Variants in FMN1 observed in about 807,000 individuals in gnomAD.
FMN1 encodes the protein formin 1.
A neutral mutation model predicts 132.4 loss-of-function variants in FMN1; 110 were observed. That is an observed-to-expected ratio of 0.83 (90% CI 0.71 to 0.97). The LOEUF (loss-of-function observed/expected upper bound fraction) is 0.97. FMN1 is among the 50% of genes least tolerant of loss of function. The pLI, the probability that FMN1 is intolerant of heterozygous loss-of-function variation, is 0.00. For missense variants in FMN1, 1,792 were observed against 1,705.3 expected, an observed-to-expected ratio of 1.05 and a Z score of -0.90; for synonymous variants, 722 against 651.7, an observed-to-expected ratio of 1.11 and a Z score of -1.64.
intron 6 of FMN1, among the ~76,000 whole-genome samples, chr15:33,053,100 T>C (rs1370819294): frequency 1.3e-5 from 2 of 152,128 alleles, no homozygotes. Context: ...CTCATTCTTC[T>C]TGAACGCTGG....
At chr15:32,879,178 T>G (rs962356408) in intron 16 of FMN1, among the ~76,000 whole-genome samples, 1 of 152,242 alleles carries the variant, frequency 6.6e-6, no homozygotes, top group Non-Finnish European at 1.5e-5. Flanking sequence ...GAAATACTTA[T>G]CCCAGTTCCT....
At chr15:33,112,493 A>C (rs921764912) in intron 4 of FMN1, among the ~76,000 whole-genome samples, 1 of 152,188 alleles carries the variant, frequency 6.6e-6, no homozygotes, top group African/African-American at 2.4e-5. Flanking sequence ...AATGAAATTA[A>C]AAGGTTCCCT....
chr15:32,994,232 T>TCTCTCTCTCTCTCTCTCACA (rs904998781), intron 7 of FMN1, among the ~76,000 whole-genome samples: 26 of 37,260 alleles, frequency 7.0e-4, no homozygotes, highest in Middle Eastern at 0.027. Context: ...TCTCTCTCTC[T>TCTCTCTCTCTCTCTCTCACA]CACACACACA....
chr15:33,172,110 A>C (rs777547399), intron 3 of FMN1, among the ~76,000 whole-genome samples: 8 of 152,030 alleles, frequency 5.3e-5, no homozygotes, highest in Non-Finnish European at 7.4e-5. Flanking sequence ...CCGGAGGCTG[A>C]GGCAGGACAA....
rs1263031017 is a variant in FMN1, at chr15:32,908,276, G to A, written c.3377+214C>T. 3.0e-5 allele frequency: 14 copies of A among 469,018 alleles called. No individual in the cohort carries two copies. In the Admixed American group the frequency reaches 3.7e-4, roughly 13 times the overall value. 29.1% of individuals were successfully genotyped at this position (469,018 alleles called of 1,614,324 possible). ...AAGGGGAGTCTCTTGGGGTGGGGGA[G>A]GGGGGTGAGACACACTGTATCCAAC... On this transcript the variant is annotated intron_variant, in intron 12 of 20. Transcript: ENST00000616417.
Position 32,968,851 on chromosome 15 carries a change from T to C in FMN1, c.2850A>G (p.Gly950=). The change falls in exon 8 of 21, where the codon GGA becomes GGG. Residue 950 remains glycine (G), a synonymous_variant. Coordinates refer to ENST00000616417, the MANE Select transcript of FMN1 (RefSeq NM_001277313.2). ...GTCCAGGGGGAGGTGGGGGTGCAAGTCCTGGGGGTGGTGGAGCAGGAGGAG... is the reference window on the plus strand; with the variant it reads ...GTCCAGGGGGAGGTGGGGGTGCAAGCCCTGGGGGTGGTGGAGCAGGAGGAG... ...GGPPPAPPPP[G]LAPPPPPGLF... The C allele has an allele frequency of 1.7e-5, 13 of 748,578 alleles. No individual in the cohort carries two copies. Among genetic ancestry groups the C allele is most frequent in the Non-Finnish European group, 2.2e-5 (10 of 454,842 alleles). The allele number at this position is 748,578 out of a possible 1,614,324, so 46.4% of individuals were successfully genotyped here. A position where few individuals can be genotyped will look rare whatever the true frequency, so the allele number is the denominator to read the frequency against.
chr15:32,901,257 T>C (rs1272730721), intron 13 of FMN1, among the ~76,000 whole-genome samples: 3 of 152,234 alleles, frequency 2.0e-5, no homozygotes, highest in African/African-American at 7.2e-5. Flanking sequence ...TATAATTATA[T>C]TTCAGTAATA....
At chr15:32,782,282 C>T (rs1402981685) in intron 19 of FMN1, among the ~76,000 whole-genome samples, 2 of 152,140 alleles carry the variant, frequency 1.3e-5, no homozygotes, top group East Asian at 1.9e-4. Flanking sequence ...TTAGTATCTA[C>T]GTGACAAATG....
intron 6 of FMN1, among the ~76,000 whole-genome samples, chr15:33,041,691 TA>T (rs201717766): frequency 0.021 from 3,163 of 150,680 alleles, 54 homozygotes; most frequent in African/African-American, 0.036. Flanking sequence ...AAACGGCTAT[TA>T]AAAAAAAACG....
rs1051653300 is a variant in FMN1, at chr15:32,769,829, T to C, written c.*4481A>G. 6.6e-6 allele frequency: 1 copy of C among 152,224 alleles called. No homozygotes were observed. The highest frequency in any genetic ancestry group is 2.4e-5 in the African/African-American group (1 of 41,456). 9.4% of individuals were successfully genotyped at this position (152,224 alleles called of 1,614,324 possible). On this transcript the variant is annotated 3_prime_UTR_variant, in exon 21 of 21. Transcript: ENST00000616417. The stretch of plus-strand genomic sequence containing the variant: ...TTATTCTCTCCACTCTCTTCAGTTG[T>C]AGGGTCCCTAAAGGTAAAATAACTA...
At chr15:32,928,855 A>G (rs150970945) in intron 9 of FMN1, among the ~76,000 whole-genome samples, 6 of 152,354 alleles carry the variant, frequency 3.9e-5, no homozygotes, top group Non-Finnish European at 8.8e-5. Context: ...CAAGAAAGGT[A>G]ATGTACAAAT....
chr15:32,922,917 C>T (rs759095442), intron 10 of FMN1, among the ~76,000 whole-genome samples: 2 of 152,128 alleles, frequency 1.3e-5, no homozygotes, highest in Non-Finnish European at 2.9e-5. Flanking sequence ...ATGGAAATGA[C>T]ATTTTAATGG....
At chr15:32,813,621 TC>T (rs2057960876) in intron 17 of FMN1, among the ~76,000 whole-genome samples, 1 of 152,318 alleles carries the variant, frequency 6.6e-6, no homozygotes, top group South Asian at 2.1e-4. Flanking sequence ...TCCAGTGAAG[TC>T]CCTCAATGCT....
At chr15:33,085,421 A>G (rs2038649027) in intron 5 of FMN1, among the ~76,000 whole-genome samples, 1 of 152,038 alleles carries the variant, frequency 6.6e-6, no homozygotes, top group Non-Finnish European at 1.5e-5. Context: ...AAAATAATCT[A>G]AAAAAACTAT....
chr15:32,919,733 A>T (rs1167850963), intron 10 of FMN1, among the ~76,000 whole-genome samples: 1 of 152,222 alleles, frequency 6.6e-6, no homozygotes, highest in Non-Finnish European at 1.5e-5. Flanking sequence ...TCTAGGCTAG[A>T]CTGAGATTGT....
intron 17 of FMN1, among the ~76,000 whole-genome samples, chr15:32,816,833 C>A (rs2058074048): frequency 6.6e-6 from 1 of 152,222 alleles, no homozygotes; most frequent in Non-Finnish European, 1.5e-5. Context: ...CTTATACTCA[C>A]AGGCAACATG....
At chr15:32,979,555 CAAAAAA>C (rs66993265) in intron 7 of FMN1, among the ~76,000 whole-genome samples, 5 of 57,448 alleles carry the variant, frequency 8.7e-5, no homozygotes, top group South Asian at 6.6e-4. Flanking sequence ...GACTCTGTCT[CAAAAAA>C]AAAAAAAAAA....
At chr15:32,951,090 T>TA (rs764513968) in intron 9 of FMN1, among the ~76,000 whole-genome samples, 8 of 152,236 alleles carry the variant, frequency 5.3e-5, no homozygotes, top group Admixed American at 3.3e-4. Flanking sequence ...TATTTGTTAA[T>TA]AAAGAAACCA....
intron 17 of FMN1, among the ~76,000 whole-genome samples, chr15:32,849,870 T>C (rs1197011433): frequency 6.6e-6 from 1 of 152,194 alleles, no homozygotes; most frequent in Non-Finnish European, 1.5e-5. Flanking sequence ...TTGGCCAGGC[T>C]GGTCTCAAAC....
Sources: gnomAD v4.1 joint callset for allele counts (sites outside exome capture counted in the v4.1 genomes callset) on GRCh38, gnomAD v4.1.1 for gene constraint, MANE v1.5 for transcripts, NCBI Gene and HGNC (gene_info 2026-07-23, HGNC 2026-07-21) for gene names.